Variants in THSD7B observed in about 807,000 individuals in gnomAD.
THSD7B encodes thrombospondin type-1 domain-containing protein 7B.
A neutral mutation model predicts 213.6 loss-of-function variants in THSD7B; 138 were observed. The observed-to-expected ratio is 0.65, with a 90% CI of 0.56 to 0.74. THSD7B has a LOEUF of 0.74. THSD7B is among the 30% of genes least tolerant of loss of function. The pLI, the probability that THSD7B is intolerant of heterozygous loss-of-function variation, is 0.00. For missense variants in THSD7B, 1,931 were observed against 1,991.5 expected, an observed-to-expected ratio of 0.97 and a Z score of 0.58; for synonymous variants, 742 against 687.0, an observed-to-expected ratio of 1.08 and a Z score of -1.25.
chr2:137,594,198 A>C lies in THSD7B; in HGVS notation c.3423+21642A>C, dbSNP rs1681915284. Among the ~76,000 whole-genome samples, 4 of 152,036 alleles carry C rather than the reference A, an allele frequency of 2.6e-5. 1 individual carries two copies. On this transcript the variant is annotated intron_variant, in intron 17 of 27. Coordinates refer to ENST00000409968, the MANE Select transcript of THSD7B (RefSeq NM_001316349.2). Reference sequence around the variant, plus strand: ...TACAGAGATGACCATTTTTGAGGCAAAGGATCTAGGCTTATATCTCCTGCC... The same window carrying C: ...TACAGAGATGACCATTTTTGAGGCACAGGATCTAGGCTTATATCTCCTGCC...
At chr2:137,528,501 C>T (rs944252395) in intron 15 of THSD7B, among the ~76,000 whole-genome samples, 1 of 152,048 alleles carries the variant, frequency 6.6e-6, no homozygotes, top group African/African-American at 2.4e-5. Flanking sequence ...ATTTCAGTGC[C>T]TTTACTTATA....
intron 12 of THSD7B, among the ~76,000 whole-genome samples, chr2:137,360,757 G>C (rs1322858683): frequency 6.6e-6 from 1 of 152,292 alleles, no homozygotes; most frequent in Middle Eastern, 3.4e-3. Flanking sequence ...GCCTGCCTCT[G>C]TACACCCCAC....
At chr2:137,275,157 C>T (rs1682838652) in intron 11 of THSD7B, among the ~76,000 whole-genome samples, 1 of 151,968 alleles carries the variant, frequency 6.6e-6, no homozygotes, top group Non-Finnish European at 1.5e-5. Context: ...TTTTGTTGAC[C>T]TGAGAAAGAA....
intron 12 of THSD7B, among the ~76,000 whole-genome samples, chr2:137,313,542 T>C (rs573027794): frequency 1.4e-4 from 21 of 151,488 alleles, no homozygotes; most frequent in African/African-American, 4.9e-4. Flanking sequence ...AATTTGATCC[T>C]GTCATTATGA....
intron 1 of THSD7B, among the ~76,000 whole-genome samples, chr2:136,868,628 AT>A (rs913986902): frequency 6.6e-6 from 1 of 152,176 alleles, no homozygotes; most frequent in African/African-American, 2.4e-5. Context: ...GTAATTAAGT[AT>A]TTTTTTAATC....
intron 1 of THSD7B, among the ~76,000 whole-genome samples, chr2:136,815,220 G>A (rs894175924): frequency 6.6e-6 from 1 of 152,154 alleles, no homozygotes. Flanking sequence ...TAAATAAATG[G>A]CTGTTGCTGC....
rs1178201332 is a variant in THSD7B at position 136,818,178 on chromosome 2, A to C, written c.-36+52491A>C. 7.1e-3 allele frequency among the ~76,000 whole-genome samples: 1,076 copies of C among 151,394 alleles called. 19 individuals carry two copies. Among genetic ancestry groups the C allele is most frequent in the African/African-American group, 0.024 (999 of 41,196 alleles). On this transcript the variant is annotated intron_variant, in intron 1 of 27. Transcript: ENST00000409968. ...TCCATCAATAATAGACTGGATTAAG[A>C]AAATGTGGCACATATACACCATGGA...
At chr2:137,513,632 C>A (rs1384037232) in intron 15 of THSD7B, among the ~76,000 whole-genome samples, 2 of 151,978 alleles carry the variant, frequency 1.3e-5, no homozygotes, top group Middle Eastern at 3.2e-3. Flanking sequence ...AATATGTAAC[C>A]ATTTCATTAA....
intron 5 of THSD7B, among the ~76,000 whole-genome samples, chr2:137,148,194 T>C (rs1201244930): frequency 6.6e-6 from 1 of 152,266 alleles, no homozygotes; most frequent in East Asian, 1.9e-4. Context: ...CCCTCTCTGC[T>C]CTGCATTTCT....
In THSD7B at chr2:137,367,946, A is replaced by T. The variant is rs191302043; in HGVS notation, c.2501-37667A>T. Among the ~76,000 whole-genome samples the T allele has an allele frequency of 8.1e-4, 123 of 152,246 alleles. 1 individual carries two copies. Among genetic ancestry groups the T allele is most frequent in the African/African-American group, 2.8e-3 (115 of 41,558 alleles). ...AAATACCGTCACTTGGGGTTTAGGG[A>T]TACAACTAATGGATTTGGGGAGACA... On this transcript the variant is annotated intron_variant, in intron 12 of 27. Coordinates refer to ENST00000409968, the MANE Select transcript of THSD7B (RefSeq NM_001316349.2).
intron 12 of THSD7B, among the ~76,000 whole-genome samples, chr2:137,277,509 A>G (rs1558739783): frequency 6.6e-6 from 1 of 152,094 alleles, no homozygotes; most frequent in Non-Finnish European, 1.5e-5. Flanking sequence ...TCTTTAAATT[A>G]AGAACCATAA....
intron 20 of THSD7B, chr2:137,642,205 A>G (rs192578963): frequency 1.3e-5 from 4 of 296,866 alleles, no homozygotes; most frequent in African/African-American, 8.7e-5. Context: ...ACAGTCTACC[A>G]ATGTTTACAA....
rs1412503391 is a variant in THSD7B, at chr2:137,396,149, G to A, written c.2501-9464G>A. On this transcript the variant is annotated intron_variant, in intron 12 of 27. Coordinates refer to ENST00000409968, the MANE Select transcript of THSD7B (RefSeq NM_001316349.2). ...TCATTAATTTTTTGAAGGGTTTTTT[G>A]TGTCTCTATTTCCTTCAGTTCTGCT... Among the ~76,000 whole-genome samples the A allele has an allele frequency of 2.1e-5, 3 of 144,998 alleles. No individual in the cohort carries two copies. The Admixed American group carries it at 2.1e-4, about 10-fold the overall frequency.
At chr2:137,529,403 G>T (rs1011170451) in intron 15 of THSD7B, among the ~76,000 whole-genome samples, 2 of 151,982 alleles carry the variant, frequency 1.3e-5, no homozygotes, top group African/African-American at 2.4e-5. Context: ...AAATATAAGG[G>T]CTCTATGTGC....
chr2:136,940,244 G>A (rs547213125), intron 2 of THSD7B, among the ~76,000 whole-genome samples: 47 of 151,828 alleles, frequency 3.1e-4, no homozygotes, highest in Non-Finnish European at 5.6e-4. Context: ...ACATTATTTA[G>A]CTCCTACTTA....
intron 20 of THSD7B, among the ~76,000 whole-genome samples, chr2:137,634,469 C>T (rs927377709): frequency 1.3e-5 from 2 of 152,156 alleles, no homozygotes; most frequent in Non-Finnish European, 1.5e-5. Context: ...TATTTGTTTC[C>T]AGTCAATAGG....
At chr2:137,497,553 T>G (rs1276472290) in intron 15 of THSD7B, among the ~76,000 whole-genome samples, 1 of 152,218 alleles carries the variant, frequency 6.6e-6, no homozygotes, top group East Asian at 1.9e-4. Flanking sequence ...ATTAAGAATA[T>G]ATATGTATCA....
chr2:137,635,905 G>A (rs759504509), intron 20 of THSD7B, among the ~76,000 whole-genome samples: 33 of 152,084 alleles, frequency 2.2e-4, no homozygotes, highest in South Asian at 2.1e-4. Context: ...GTTTTACCAC[G>A]TTGGTCAGGC....
chr2:136,767,076 T>C (rs2104894872), intron 1 of THSD7B, among the ~76,000 whole-genome samples: 1 of 152,226 alleles, frequency 6.6e-6, no homozygotes, highest in Non-Finnish European at 1.5e-5. Flanking sequence ...AGGGATACAG[T>C]TATTTGTCTG....
Sources: gnomAD v4.1 joint callset for allele counts (sites outside exome capture counted in the v4.1 genomes callset) on GRCh38, gnomAD v4.1.1 for gene constraint, MANE v1.5 for transcripts, NCBI Gene and HGNC (gene_info 2026-07-23, HGNC 2026-07-21) for gene names.